The following MCPH1 variants were observed in gnomAD, a reference collection of about 807,000 sequenced individuals.
The protein encoded by MCPH1 is microcephalin 1.
In MCPH1, 104 loss-of-function variants were observed where a neutral mutation model predicts 84.5. That is an observed-to-expected ratio of 1.23 (90% CI 1.05 to 1.45). The LOEUF (loss-of-function observed/expected upper bound fraction) is 1.45, where lower values mean the gene tolerates loss of function less well. Among genes scored for constraint, MCPH1 ranks in the 40% most tolerant of loss-of-function variants. The pLI, the probability that MCPH1 is intolerant of heterozygous loss-of-function variation, is 0.00. For synonymous variants in MCPH1, 514 were observed against 366.8 expected, an observed-to-expected ratio of 1.40 and a Z score of -4.58; for missense variants, 1,498 against 1,005.7, an observed-to-expected ratio of 1.49 and a Z score of -6.62.
At chr8:6,637,451 C>T (rs190507511) in intron 13 of MCPH1, among the ~76,000 whole-genome samples, 2 of 152,028 alleles carry the variant, frequency 1.3e-5, no homozygotes, top group Non-Finnish European at 2.9e-5. Context: ...GTAAGTTTAG[C>T]GTGGCTGAAA....
chr8:6,572,068 AG>A (rs1452316127), intron 12 of MCPH1, among the ~76,000 whole-genome samples: 2 of 152,172 alleles, frequency 1.3e-5, no homozygotes, highest in Non-Finnish European at 2.9e-5. Context: ...TTCCATTTCA[AG>A]TAAGGGGTCT....
intron 2 of MCPH1, among the ~76,000 whole-genome samples, chr8:6,412,966 C>G (rs145326633): frequency 1.3e-5 from 2 of 152,336 alleles, no homozygotes; most frequent in South Asian, 4.1e-4. Context: ...AAGACAGCTA[C>G]TTTCAAATCA....
chr8:6,537,300 T>C (rs2442598), intron 12 of MCPH1, among the ~76,000 whole-genome samples: 107,647 of 151,888 alleles, frequency 0.71, 38,387 homozygotes, highest in Admixed American at 0.78. Context: ...AGTGTGTGTT[T>C]ATTTTGTCCT....
At chr8:6,490,367 G>A (rs889664853) in intron 11 of MCPH1, among the ~76,000 whole-genome samples, 1 of 152,174 alleles carries the variant, frequency 6.6e-6, no homozygotes, top group Non-Finnish European at 1.5e-5. Flanking sequence ...TCATTTAGAT[G>A]TCATTTAGAT....
intron 12 of MCPH1, among the ~76,000 whole-genome samples, chr8:6,523,650 C>A (rs553308066): frequency 1.3e-5 from 2 of 152,058 alleles, no homozygotes; most frequent in South Asian, 4.2e-4. Context: ...TGTGCAGTGG[C>A]GCGATCTCAG....
In MCPH1 at chr8:6,480,845, C is replaced by T. The variant is rs751512309; in HGVS notation, c.2105C>T (p.Ala702Val). The change falls in exon 11 of 14, where the codon GCG (alanine) becomes GTG (valine). Residue 702 changes from alanine (A) to valine (V), a missense_variant. Coordinates refer to ENST00000344683, the MANE Select transcript of MCPH1 (RefSeq NM_024596.5). Reference protein sequence around the residue: ...LRTLNVLLGIARGCWVLSYDW... With the variant: ...LRTLNVLLGIVRGCWVLSYDW... The stretch of plus-strand genomic sequence containing the variant: ...ACCCTGAATGTGCTGCTGGGAATTG[C>T]GCGTGGCTGCTGGGTTCTCTCTTAT... 30 of 1,614,016 alleles carry T rather than the reference C, an allele frequency of 1.9e-5. No individual in the cohort carries two copies. Among genetic ancestry groups the T allele is most frequent in the Middle Eastern group, 1.6e-4 (1 of 6,078 alleles).
rs151235011 is a variant in MCPH1 at position 6,469,829 on chromosome 8, T to C, written c.1936-7765T>C. On this transcript the variant is annotated intron_variant, in intron 9 of 13. Coordinates refer to ENST00000344683, the MANE Select transcript of MCPH1 (RefSeq NM_024596.5). Reference sequence around the variant, plus strand: ...AATAATCATGCATTCAATACTCTTTTTCTCTCTCTCTCCCTGCTCCCTCAT... The same window carrying C: ...AATAATCATGCATTCAATACTCTTTCTCTCTCTCTCTCCCTGCTCCCTCAT... Among the ~76,000 whole-genome samples, 188 of 152,238 alleles carry C rather than the reference T, an allele frequency of 1.2e-3. 3 individuals carry two copies. The East Asian group carries it at 0.031, about 25-fold the overall frequency.
chr8:6,559,236 C>CACACACAA (rs1289866354), intron 12 of MCPH1, among the ~76,000 whole-genome samples: 1 of 124,860 alleles, frequency 8.0e-6, no homozygotes, highest in Non-Finnish European at 1.5e-5. Context: ...CGACAACACA[C>CACACACAA]ACACACACAC....
chr8:6,527,485 A>G, intron 12 of MCPH1: 1 of 1,556,910 alleles, frequency 6.4e-7, no homozygotes, highest in Admixed American at 1.7e-5. Context: ...ATAATTCATC[A>G]TTTGAGACCG....
At chr8:6,433,022 C>T (rs546222325) in intron 4 of MCPH1, among the ~76,000 whole-genome samples, 1 of 152,300 alleles carries the variant, frequency 6.6e-6, no homozygotes, top group Admixed American at 6.5e-5. Flanking sequence ...CTCACACATG[C>T]ATGCTTGACG....
At chr8:6,537,903 C>T (rs930848259) in intron 12 of MCPH1, among the ~76,000 whole-genome samples, 6 of 152,122 alleles carry the variant, frequency 3.9e-5, no homozygotes, top group Admixed American at 3.3e-4. Flanking sequence ...AAATAAAATT[C>T]AAGGTCCTTA....
intron 12 of MCPH1, among the ~76,000 whole-genome samples, chr8:6,604,519 T>G (rs1829605739): frequency 1.3e-5 from 2 of 152,244 alleles, no homozygotes; most frequent in African/African-American, 4.8e-5. Context: ...GTTGTTGTTG[T>G]TTTGAGACGG....
chr8:6,436,991 A>T (rs1229739062), intron 5 of MCPH1, among the ~76,000 whole-genome samples: 1 of 152,050 alleles, frequency 6.6e-6, no homozygotes, highest in East Asian at 1.9e-4. Flanking sequence ...AATATTATGA[A>T]ACATTAAGAT....
intron 7 of MCPH1, among the ~76,000 whole-genome samples, chr8:6,442,558 AT>A (rs1190851712): frequency 2.0e-5 from 3 of 152,224 alleles, no homozygotes; most frequent in Non-Finnish European, 4.4e-5. Flanking sequence ...AAGATCGTCA[AT>A]TGAGGAGATA....
In MCPH1 at chr8:6,431,565, A is replaced by G; in HGVS notation, c.300A>G (p.Leu100=). 2 of 1,611,638 alleles carry G rather than the reference A, an allele frequency of 1.2e-6. No individual in the cohort carries two copies. The highest frequency in any genetic ancestry group is 1.7e-6 in the Non-Finnish European group (2 of 1,178,314). Residue 100 remains leucine, a synonymous_variant, in exon 4 of 14, where the codon TTA becomes TTG. Coordinates refer to ENST00000344683, the MANE Select transcript of MCPH1 (RefSeq NM_024596.5). ...LFPAANMNEH[L]SSLIKKKRKC... is the part of the protein sequence containing the mutation. ...CTGCAGCTAATATGAATGAACACTT[A>G]TCAAGCCTAATTAAAAAAAAAGTAA... is the stretch of plus-strand genomic sequence containing the variant.
chr8:6,597,722 A>G (rs553299849), intron 12 of MCPH1, among the ~76,000 whole-genome samples: 7 of 152,250 alleles, frequency 4.6e-5, no homozygotes, highest in Admixed American at 4.6e-4. Flanking sequence ...ATTTCCTTCA[A>G]CAGAGTCCTG....
rs1810379436 is a variant in MCPH1 at position 6,489,962 on chromosome 8, C to T, written c.2136+9086C>T. 4.6e-5 allele frequency among the ~76,000 whole-genome samples: 7 copies of T among 152,356 alleles called. No homozygotes were observed. In the South Asian group the frequency reaches 1.5e-3, roughly 32 times the overall value. ...CAAGTCGAGAGGGTACTTGTTGCCACCCATCCTTTTCCAAATCATGGCCTT... is the reference window on the plus strand; with the variant it reads ...CAAGTCGAGAGGGTACTTGTTGCCATCCATCCTTTTCCAAATCATGGCCTT... On this transcript the variant is annotated intron_variant, in intron 11 of 13. Transcript: ENST00000344683.
At chr8:6,583,275 G>C (rs571939314) in intron 12 of MCPH1, among the ~76,000 whole-genome samples, 4 of 151,782 alleles carry the variant, frequency 2.6e-5, no homozygotes, top group Admixed American at 2.6e-4. Context: ...AAACAAACGA[G>C]ATACATGTGC....
intron 12 of MCPH1, among the ~76,000 whole-genome samples, chr8:6,600,288 G>A (rs1466474042): frequency 1.3e-5 from 2 of 152,246 alleles, no homozygotes. Context: ...GGGAGTGCAA[G>A]GGAGAGAGGG....
Sources: allele counts gnomAD v4.1 joint callset (sites outside exome capture counted in the v4.1 genomes callset), GRCh38; gene constraint gnomAD v4.1.1; transcripts MANE v1.5; gene names NCBI Gene and HGNC (gene_info 2026-07-23, HGNC 2026-07-21).